The following ATP2B1 variants were observed in gnomAD, a reference collection of about 807,000 sequenced individuals.
ATP2B1 encodes plasma membrane calcium-transporting ATPase 1.
Under a neutral mutation model 124.2 loss-of-function variants are expected in ATP2B1, and 14 were observed. That is an observed-to-expected ratio of 0.11 (90% CI 0.07 to 0.18). ATP2B1 has a LOEUF of 0.18. Among genes scored for constraint, ATP2B1 ranks in the 10% least tolerant of loss-of-function variants. The probability of loss-of-function intolerance (pLI) is 1.00; values close to 1 mark genes in which losing one functional copy is unlikely to be tolerated. For missense variants in ATP2B1, 763 were observed against 1,466.1 expected (o/e 0.52, Z 7.83); for synonymous variants, 449 against 492.4 (o/e 0.91, Z 1.17).
chr12:89,703,316 G>A (rs1336479227), intron 1 of ATP2B1, among the ~76,000 whole-genome samples: 7 of 151,994 alleles, frequency 4.6e-5, no homozygotes, highest in African/African-American at 1.7e-4. Context: ...CTACACAAAC[G>A]GTTATTTAAC....
At chr12:89,599,075 C>T (rs769922943) in intron 20 of ATP2B1, 42 bp downstream of exon 20, 3 of 1,590,998 alleles carry the variant, frequency 1.9e-6, no homozygotes, top group Non-Finnish European at 2.6e-6. Context: ...TCAAAAAGCC[C>T]TGGCTCCCAT....
intron 19 of ATP2B1, among the ~76,000 whole-genome samples, chr12:89,600,040 C>T (rs529387222): frequency 7.9e-5 from 12 of 152,182 alleles, no homozygotes; most frequent in Non-Finnish European, 1.3e-4. Flanking sequence ...CATAAAGTGA[C>T]TTGCTCATGG....
chr12:89,694,292 C>A (rs1197570611), intron 1 of ATP2B1, among the ~76,000 whole-genome samples: 1 of 152,164 alleles, frequency 6.6e-6, no homozygotes, highest in African/African-American at 2.4e-5. Context: ...ACAGCTGTCA[C>A]CTTAATTTTA....
chr12:89,671,797 T>C (rs1888030718), intron 1 of ATP2B1, among the ~76,000 whole-genome samples: 2 of 142,364 alleles, frequency 1.4e-5, no homozygotes, highest in African/African-American at 5.2e-5. Context: ...TTACTGTAAA[T>C]TAATGGACAT....
intron 15 of ATP2B1, among the ~76,000 whole-genome samples, chr12:89,609,609 C>T (rs879392736): frequency 6.6e-6 from 1 of 152,074 alleles, no homozygotes; most frequent in Admixed American, 6.6e-5. Flanking sequence ...ATACACACAA[C>T]TATTCTAAGC....
chr12:89,691,542 T>G (rs1338326334), intron 1 of ATP2B1, among the ~76,000 whole-genome samples: 2 of 152,186 alleles, frequency 1.3e-5, no homozygotes, highest in African/African-American at 4.8e-5. Flanking sequence ...ATGTACCACA[T>G]AATTTATCCT....
intron 1 of ATP2B1, among the ~76,000 whole-genome samples, chr12:89,659,197 T>C (rs925117981): frequency 1.3e-5 from 2 of 152,208 alleles, no homozygotes; most frequent in Non-Finnish European, 1.5e-5. Flanking sequence ...TTTTATCTTC[T>C]ACTTGAAAAG....
chr12:89,660,933 T>C (rs892058533), intron 1 of ATP2B1, among the ~76,000 whole-genome samples: 5 of 152,190 alleles, frequency 3.3e-5, no homozygotes. Flanking sequence ...AAGTCAAATT[T>C]TGATTAGTTT....
chr12:89,609,793 C>A, intron 15 of ATP2B1, 144 bp downstream of exon 15: 3 of 642,452 alleles, frequency 4.7e-6, no homozygotes, highest in East Asian at 5.8e-5. Flanking sequence ...ACTTATAAAC[C>A]AATTTAAGCT....
At chr12:89,615,459 T>C (rs1245700310) in intron 12 of ATP2B1, among the ~76,000 whole-genome samples, 1 of 152,216 alleles carries the variant, frequency 6.6e-6, no homozygotes, top group Non-Finnish European at 1.5e-5. Flanking sequence ...TCTATCATTC[T>C]ACCTACTTAG....
intron 1 of ATP2B1, among the ~76,000 whole-genome samples, chr12:89,664,851 CTT>C (rs71307587): frequency 2.0e-4 from 29 of 142,676 alleles, no homozygotes; most frequent in East Asian, 4.1e-4. Context: ...TTATGCTATT[CTT>C]TTTTTTTTTT....
chr12:89,674,073 A>G (rs369870083), intron 1 of ATP2B1, among the ~76,000 whole-genome samples: 1 of 152,134 alleles, frequency 6.6e-6, no homozygotes, highest in East Asian at 1.9e-4. Context: ...TTCATATAGT[A>G]TTTCCTCATT....
At position 89,629,092 on chromosome 12, in the gene ATP2B1, G is replaced by A. The variant is rs1254252028; in HGVS notation, c.929-1376C>T. On this transcript the variant is annotated intron_variant, in intron 6 of 20. Transcript: ENST00000428670. Reference sequence around the variant, plus strand: ...AATAAAACCAGTGTATAAGACTCAGGGGGAAAAGAAGCTTACTGGAAAAGA... The same window carrying A: ...AATAAAACCAGTGTATAAGACTCAGAGGGAAAAGAAGCTTACTGGAAAAGA... 2.6e-5 allele frequency among the ~76,000 whole-genome samples: 4 copies of A among 152,252 alleles called. No homozygotes were observed. The South Asian group carries it at 8.3e-4, about 32-fold the overall frequency.
intron 2 of ATP2B1, among the ~76,000 whole-genome samples, chr12:89,649,554 C>T (rs115132597): frequency 1.9e-3 from 282 of 152,290 alleles, no homozygotes; most frequent in African/African-American, 6.4e-3. Context: ...TTTGATCTCA[C>T]AGGCTCATAA....
rs1472177846 is a variant in ATP2B1 at position 89,656,036 on chromosome 12, C to T, written c.-150G>A. On this transcript the variant is annotated 5_prime_UTR_variant, in exon 2 of 21. An upstream start codon of the reference 5' UTR is lost. Coordinates refer to ENST00000428670, the MANE Select transcript of ATP2B1 (RefSeq NM_001366521.1). ...CTTTGTAAAGCAGCATCAGCAGCAACATTTCCCAGAGAAGTATCTTGACCT... is the reference window on the plus strand; with the variant it reads ...CTTTGTAAAGCAGCATCAGCAGCAATATTTCCCAGAGAAGTATCTTGACCT... 2 of 761,016 alleles carry T rather than the reference C, an allele frequency of 2.6e-6. No homozygotes were observed. Among genetic ancestry groups the T allele is most frequent in the Non-Finnish European group, 4.0e-6 (2 of 494,138 alleles). 47.1% of individuals were successfully genotyped at this position (761,016 alleles called of 1,614,324 possible).
At chr12:89,683,219 A>G (rs1348853824) in intron 1 of ATP2B1, among the ~76,000 whole-genome samples, 3 of 152,216 alleles carry the variant, frequency 2.0e-5, no homozygotes, top group Non-Finnish European at 2.9e-5. Context: ...ATGTATGTAA[A>G]ATGTCATATG....
chr12:89,678,252 G>C (rs1456571293), intron 1 of ATP2B1, among the ~76,000 whole-genome samples: 1 of 151,828 alleles, frequency 6.6e-6, no homozygotes, highest in African/African-American at 2.4e-5. Flanking sequence ...TTCCATAATA[G>C]AAATCAATCC....
chr12:89,684,788 C>A (rs1889766540), intron 1 of ATP2B1, among the ~76,000 whole-genome samples: 1 of 152,040 alleles, frequency 6.6e-6, no homozygotes, highest in Non-Finnish European at 1.5e-5. Flanking sequence ...CTCCCTCTTG[C>A]CTATTAACCC....
intron 1 of ATP2B1, among the ~76,000 whole-genome samples, chr12:89,688,941 T>C (rs189303188): frequency 6.6e-6 from 1 of 152,238 alleles, no homozygotes; most frequent in East Asian, 1.9e-4. Context: ...TATAGGTTCC[T>C]TTACCAAAAA....
Sources: allele counts gnomAD v4.1 joint callset (sites outside exome capture counted in the v4.1 genomes callset), GRCh38; gene constraint gnomAD v4.1.1; transcripts MANE v1.5; gene names NCBI Gene and HGNC (gene_info 2026-07-23, HGNC 2026-07-21).